The following ARHGAP6 variants were observed in gnomAD, a reference collection of about 807,000 sequenced individuals.
ARHGAP6 encodes Rho GTPase activating protein 6.
Under a neutral mutation model 55.7 loss-of-function variants are expected in ARHGAP6, and 16 were observed. That is an observed-to-expected ratio of 0.29 (90% CI 0.19 to 0.44). The LOEUF (loss-of-function observed/expected upper bound fraction) is 0.44, where lower values mean the gene tolerates loss of function less well. ARHGAP6 is among the 20% of genes least tolerant of loss of function. The pLI, the probability that ARHGAP6 is intolerant of heterozygous loss-of-function variation, is 1.00. For missense variants in ARHGAP6, 698 were observed against 808.9 expected (o/e 0.86, Z 1.66); for synonymous variants, 382 against 360.9 (o/e 1.06, Z -0.66).
intron 1 of ARHGAP6, among the ~76,000 whole-genome samples, chrX:11,611,735 TA>T (rs1201941845): frequency 9.0e-6 from 1 of 111,598 alleles, no homozygotes; most frequent in Admixed American, 9.5e-5. Flanking sequence ...CATTTCCACT[TA>T]AAAGTTTTTC....
At chrX:11,227,967 A>AT (rs1421123805) in intron 2 of ARHGAP6, among the ~76,000 whole-genome samples, 4 of 109,333 alleles carry the variant, frequency 3.7e-5, no homozygotes, top group African/African-American at 1.3e-4. Flanking sequence ...TACGGAAGAG[A>AT]TTGTGTACTC....
chrX:11,196,027 G>A (rs911495503), intron 3 of ARHGAP6, among the ~76,000 whole-genome samples: 5 of 103,358 alleles, frequency 4.8e-5, no homozygotes, highest in Middle Eastern at 5.1e-3. Context: ...CCAGCTACTC[G>A]GGAGGCTGAG....
intron 1 of ARHGAP6, among the ~76,000 whole-genome samples, chrX:11,320,681 TAGTTA>T (rs754502661): frequency 1.4e-4 from 15 of 108,404 alleles, no homozygotes; most frequent in Non-Finnish European, 2.1e-4. Context: ...CAGAACAGAA[TAGTTA>T]AAGGAATAGG....
At chrX:11,306,266 G>A (rs907977212) in intron 1 of ARHGAP6, among the ~76,000 whole-genome samples, 1 of 112,246 alleles carries the variant, frequency 8.9e-6, no homozygotes, top group Admixed American at 9.4e-5. Flanking sequence ...AGGCTCAGAG[G>A]TTTCCCAGGA....
intron 1 of ARHGAP6, among the ~76,000 whole-genome samples, chrX:11,441,205 G>A (rs762845210): frequency 3.5e-4 from 39 of 111,521 alleles, no homozygotes; most frequent in South Asian, 2.7e-3. Context: ...CCCAGAGCAG[G>A]GGTGCTTCCC....
At chrX:11,486,091 G>A (rs2050508469) in intron 1 of ARHGAP6, among the ~76,000 whole-genome samples, 1 of 111,932 alleles carries the variant, frequency 8.9e-6, no homozygotes, top group Non-Finnish European at 1.9e-5. Context: ...GAAAAGAAAT[G>A]TGAGCTCAAC....
intron 1 of ARHGAP6, among the ~76,000 whole-genome samples, chrX:11,345,236 A>G (rs1050537302): frequency 1.8e-5 from 2 of 110,553 alleles, no homozygotes; most frequent in Non-Finnish European, 3.8e-5. Context: ...CTGAATATAT[A>G]CTATAAAATC....
chrX:11,456,441 A>C (rs2050194320), intron 1 of ARHGAP6, among the ~76,000 whole-genome samples: 1 of 112,270 alleles, frequency 8.9e-6, no homozygotes, highest in East Asian at 2.8e-4. Context: ...CATTAAAAGA[A>C]TGTGACAAGG....
intron 1 of ARHGAP6, among the ~76,000 whole-genome samples, chrX:11,600,922 C>G (rs993961000): frequency 1.8e-5 from 2 of 111,646 alleles, no homozygotes; most frequent in African/African-American, 6.5e-5. Context: ...CAGAGATTTC[C>G]TAGTAAAACT....
chrX:11,173,491 A>G (rs908695058), intron 8 of ARHGAP6, among the ~76,000 whole-genome samples: 8 of 112,358 alleles, frequency 7.1e-5, no homozygotes, highest in Non-Finnish European at 1.5e-4. Context: ...ACCACTGCTC[A>G]GGAGGTTTCA....
intron 1 of ARHGAP6, among the ~76,000 whole-genome samples, chrX:11,649,829 T>C (rs1446139142): frequency 8.9e-6 from 1 of 111,820 alleles, no homozygotes; most frequent in Non-Finnish European, 1.9e-5. Context: ...ATTATACTAA[T>C]AGAGTGTGAT....
At chrX:11,572,180 T>C (rs2051528129) in intron 1 of ARHGAP6, among the ~76,000 whole-genome samples, 1 of 111,517 alleles carries the variant, frequency 9.0e-6, no homozygotes, top group African/African-American at 3.3e-5. Context: ...GTTTCTTTTT[T>C]TTATTTTTTA....
chrX:11,603,746 G>C (rs1315674123), intron 1 of ARHGAP6, among the ~76,000 whole-genome samples: 1 of 111,757 alleles, frequency 8.9e-6, no homozygotes, highest in Admixed American at 9.5e-5. Context: ...AGAAGACCTA[G>C]GTTTACACAT....
intron 1 of ARHGAP6, among the ~76,000 whole-genome samples, chrX:11,405,189 C>T (rs1442016717): frequency 9.0e-6 from 1 of 111,684 alleles, no homozygotes; most frequent in Non-Finnish European, 1.9e-5. Context: ...AACTGCTGTC[C>T]CTCTGTTGAT....
At chrX:11,495,182 A>G (rs1217516346) in intron 1 of ARHGAP6, among the ~76,000 whole-genome samples, 3 of 111,951 alleles carry the variant, frequency 2.7e-5, no homozygotes, top group Non-Finnish European at 5.6e-5. Flanking sequence ...TTCAGTTATC[A>G]TGTTAACACA....
At chrX:11,632,877 T>C (rs774794536) in intron 1 of ARHGAP6, among the ~76,000 whole-genome samples, 1 of 112,307 alleles carries the variant, frequency 8.9e-6, no homozygotes, top group East Asian at 2.8e-4. Context: ...TTGCTGCTAG[T>C]GACTGGCACC....
At chrX:11,653,073 ACTGT>A (rs1241478151) in intron 1 of ARHGAP6, among the ~76,000 whole-genome samples, 1 of 112,084 alleles carries the variant, frequency 8.9e-6, no homozygotes, top group Admixed American at 9.5e-5. Context: ...TCATGTAATC[ACTGT>A]AGTATGTGGA....
At chrX:11,207,193 C>T (rs1166685230) in intron 2 of ARHGAP6, among the ~76,000 whole-genome samples, 11 of 99,047 alleles carry the variant, frequency 1.1e-4, no homozygotes, top group African/African-American at 3.3e-4. Context: ...TCATTTTTTT[C>T]TTCTTCTTTT....
chrX:11,139,540 A>C lies in ARHGAP6; in HGVS notation c.2258-10T>G. On this transcript the variant is annotated splice_polypyrimidine_tract_variant and intron_variant, in intron 12 of 12. Coordinates refer to ENST00000337414, the MANE Select transcript of ARHGAP6 (RefSeq NM_013427.3). ...ATGTCTCCAGAGGAACCTGGAAGCC[A>C]GAGAGAAAGCCCAAGAAATGGAATC... 1 of 1,133,410 alleles carries C rather than the reference A, an allele frequency of 8.8e-7. No homozygotes were observed. The highest frequency in any genetic ancestry group is 1.2e-6 in the Non-Finnish European group (1 of 859,118). The allele number at this position is 1,133,410 out of a possible 1,213,427, so 93.4% of individuals were successfully genotyped here. A position where few individuals can be genotyped will look rare whatever the true frequency, so the allele number is the denominator to read the frequency against.
Sources: gnomAD v4.1 joint callset for allele counts (sites outside exome capture counted in the v4.1 genomes callset) on GRCh38, gnomAD v4.1.1 for gene constraint, MANE v1.5 for transcripts, NCBI Gene and HGNC (gene_info 2026-07-23, HGNC 2026-07-21) for gene names.